The following TMPRSS15 variants were observed in gnomAD, a reference collection of about 807,000 sequenced individuals.
TMPRSS15 encodes the protein enteropeptidase.
Under a neutral mutation model 125.3 loss-of-function variants are expected in TMPRSS15, and 128 were observed. The ratio of observed to expected loss-of-function variants is 1.02; its 90% CI spans 0.89 to 1.18. The LOEUF is 1.18. Ranked by LOEUF, TMPRSS15 falls within the 50% of genes most tolerant of loss-of-function variation. The probability of loss-of-function intolerance (pLI) is 0.00; values close to 1 mark genes in which losing one functional copy is unlikely to be tolerated. For missense variants in TMPRSS15, 1,283 were observed against 1,212.7 expected (o/e 1.06, Z -0.86); for synonymous variants, 446 against 423.2 (o/e 1.05, Z -0.66).
chr21:18,437,726 T>C lies in TMPRSS15; in HGVS notation c.11-39397A>G, dbSNP rs1460328907. On this transcript the variant is annotated intron_variant, in intron 1 of 7. Coordinates refer to the TMPRSS15 transcript ENST00000422787. ...TGCAGCCAAAAGACACATGAAAAAA[T>C]GCTCATCATCACTGGCCATCAGAGA... Among the ~76,000 whole-genome samples, 6 of 152,182 alleles carry C rather than the reference T, an allele frequency of 3.9e-5. No homozygotes were observed. The East Asian group carries it at 1.2e-3, about 29-fold the overall frequency.
At chr21:18,271,270 C>T (rs554003926) in intron 24 of TMPRSS15, among the ~76,000 whole-genome samples, 8 of 152,286 alleles carry the variant, frequency 5.3e-5, no homozygotes, top group African/African-American at 1.9e-4. Context: ...ATTCAAGGAT[C>T]AAAGTACATT....
chr21:18,334,103 C>CTCTT (rs2075369266), intron 13 of TMPRSS15, among the ~76,000 whole-genome samples: 1 of 152,172 alleles, frequency 6.6e-6, no homozygotes, highest in Non-Finnish European at 1.5e-5. Flanking sequence ...TAGCCATACC[C>CTCTT]TCTTCCTTAA....
At chr21:18,389,677 A>C (rs1357567534) in intron 3 of TMPRSS15, among the ~76,000 whole-genome samples, 1 of 152,152 alleles carries the variant, frequency 6.6e-6, no homozygotes, top group East Asian at 1.9e-4. Flanking sequence ...GAAGGCACTG[A>C]GGTTTCTTTT....
chr21:18,282,954 C>T (rs1344171104), intron 21 of TMPRSS15, among the ~76,000 whole-genome samples: 1 of 152,150 alleles, frequency 6.6e-6, no homozygotes, highest in African/African-American at 2.4e-5. Context: ...GCTTTCCCTG[C>T]TCCCACATAG....
intron 17 of TMPRSS15, among the ~76,000 whole-genome samples, chr21:18,314,149 T>C (rs1210507986): frequency 6.6e-6 from 1 of 152,130 alleles, no homozygotes; most frequent in Non-Finnish European, 1.5e-5. Context: ...TGACAAGAGC[T>C]AAGAGCAGTG....
chr21:18,367,555 C>T (rs1172018332), intron 6 of TMPRSS15, among the ~76,000 whole-genome samples: 2 of 151,958 alleles, frequency 1.3e-5, no homozygotes, highest in South Asian at 2.1e-4. Context: ...CACAGTTTGT[C>T]GAGAAATAAC....
At chr21:18,387,688 C>A (rs2075957610) in intron 3 of TMPRSS15, among the ~76,000 whole-genome samples, 1 of 151,464 alleles carries the variant, frequency 6.6e-6, no homozygotes, top group Non-Finnish European at 1.5e-5. Context: ...TAGTAAGTGG[C>A]AGAGATTGGC....
intron 1 of TMPRSS15, among the ~76,000 whole-genome samples, chr21:18,472,473 A>C (rs894237359): frequency 6.7e-6 from 1 of 149,198 alleles, no homozygotes; most frequent in Non-Finnish European, 1.5e-5. Context: ...ATATATATAT[A>C]TATATATACA....
rs777935992 is a variant in TMPRSS15 at position 18,294,332 on chromosome 21, C to G, written c.2424G>C (p.Leu808=). ...WVVGLYYGGR[L]LCGASLVSSD... ...TGCTGACGAGAGATGCGCCGCAGAG[C>G]AGTCGGCCGCCATAATACAGACCCA... The change falls in exon 21 of 25, where the codon CTG becomes CTC. Residue 808 remains leucine (L), a synonymous_variant. Transcript: ENST00000284885. The G allele has an allele frequency of 3.1e-6, 5 of 1,614,130 alleles. No individual in the cohort carries two copies. The highest frequency in any genetic ancestry group is 3.4e-6 in the Non-Finnish European group (4 of 1,180,060).
At chr21:18,331,509 G>A (rs988472803) in intron 14 of TMPRSS15, among the ~76,000 whole-genome samples, 1 of 152,092 alleles carries the variant, frequency 6.6e-6, no homozygotes, top group Non-Finnish European at 1.5e-5. Flanking sequence ...TGCAGTTTTA[G>A]CAAACTATTT....
At chr21:18,398,645 C>T (rs1004580645) in intron 1 of TMPRSS15, among the ~76,000 whole-genome samples, 2 of 152,070 alleles carry the variant, frequency 1.3e-5, no homozygotes, top group Admixed American at 6.6e-5. Flanking sequence ...GGAAGATACA[C>T]GGACTGATGA....
intron 1 of TMPRSS15, among the ~76,000 whole-genome samples, chr21:18,401,967 TTAAA>T (rs199779619): frequency 0.078 from 11,924 of 152,188 alleles, 564 homozygotes; most frequent in South Asian, 0.13. Context: ...TTCACAGCAA[TTAAA>T]TAAGACCAAA....
chr21:18,429,105 A>G (rs1318930275), intron 1 of TMPRSS15, among the ~76,000 whole-genome samples: 4 of 152,166 alleles, frequency 2.6e-5, no homozygotes, highest in Non-Finnish European at 4.4e-5. Flanking sequence ...TTGGAGCTAT[A>G]AAATTTGACT....
intron 19 of TMPRSS15, among the ~76,000 whole-genome samples, chr21:18,296,518 T>C (rs747055028): frequency 6.6e-6 from 1 of 152,232 alleles, no homozygotes; most frequent in Non-Finnish European, 1.5e-5. Flanking sequence ...ACATACATTA[T>C]AATAGTGACG....
At chr21:18,435,526 G>A (rs556031505) in intron 1 of TMPRSS15, among the ~76,000 whole-genome samples, 13 of 152,194 alleles carry the variant, frequency 8.5e-5, no homozygotes, top group African/African-American at 2.6e-4. Context: ...TGCTAGATTC[G>A]GTTTTCCAGT....
intron 21 of TMPRSS15, among the ~76,000 whole-genome samples, chr21:18,286,079 T>C (rs1177722833): frequency 6.6e-6 from 1 of 152,220 alleles, no homozygotes; most frequent in African/African-American, 2.4e-5. Context: ...TGGTAGATTA[T>C]TCCTGAAACT....
chr21:18,434,993 G>T (rs1601461565), intron 1 of TMPRSS15, among the ~76,000 whole-genome samples: 1 of 152,220 alleles, frequency 6.6e-6, no homozygotes, highest in East Asian at 1.9e-4. Flanking sequence ...GAGGAAAGAA[G>T]TCCTTGGAGG....
chr21:18,397,672 A>G (rs758867005), intron 3 of TMPRSS15, among the ~76,000 whole-genome samples: 7 of 152,194 alleles, frequency 4.6e-5, no homozygotes, highest in Non-Finnish European at 8.8e-5. Flanking sequence ...AGTAGAGAGA[A>G]ACATATTAAC....
chr21:18,435,240 C>T lies in TMPRSS15; in HGVS notation c.11-36911G>A, dbSNP rs1035744622. Among the ~76,000 whole-genome samples, 38 of 152,196 alleles carry T rather than the reference C, an allele frequency of 2.5e-4. 1 individual carries two copies. Among genetic ancestry groups the T allele is most frequent in the African/African-American group, 8.2e-4 (34 of 41,532 alleles). ...CAAAGGGAATGCTTCCAGTTTTTGC[C>T]CATTCAGTATGATATTGGCTGTGGG... On this transcript the variant is annotated intron_variant, in intron 1 of 7. Transcript: ENST00000422787.
Sources: gnomAD v4.1 joint callset for allele counts (sites outside exome capture counted in the v4.1 genomes callset) on GRCh38, gnomAD v4.1.1 for gene constraint, MANE v1.5 for transcripts, NCBI Gene and HGNC (gene_info 2026-07-23, HGNC 2026-07-21) for gene names.